The following BCHE variants were observed in gnomAD, a reference collection of about 807,000 sequenced individuals.
The protein encoded by BCHE is cholinesterase.
BCHE carries 48 observed loss-of-function variants against 51.3 expected under a neutral mutation model. That is an observed-to-expected ratio of 0.94 (90% CI 0.74 to 1.19). The LOEUF (loss-of-function observed/expected upper bound fraction) is 1.19. Among genes scored for constraint, BCHE ranks in the 50% most tolerant of loss-of-function variants. The probability of loss-of-function intolerance (pLI) is 0.00; values close to 1 mark genes in which losing one functional copy is unlikely to be tolerated. For synonymous variants in BCHE, 251 were observed against 238.0 expected, an observed-to-expected ratio of 1.05 and a Z score of -0.50; for missense variants, 847 against 708.2, an observed-to-expected ratio of 1.20 and a Z score of -2.23.
intron 2 of BCHE, among the ~76,000 whole-genome samples, chr3:165,817,004 G>C (rs544268576): frequency 1.3e-5 from 2 of 151,924 alleles, no homozygotes; most frequent in African/African-American, 4.8e-5. Flanking sequence ...AATATTTCTG[G>C]AAAAACAGGT....
chr3:165,800,747 G>T (rs1205215825), intron 2 of BCHE, among the ~76,000 whole-genome samples: 1 of 151,968 alleles, frequency 6.6e-6, no homozygotes, highest in African/African-American at 2.4e-5. Context: ...TTTTTTTCAG[G>T]AAGCTGTTTG....
At chr3:165,792,638 G>T (rs1384962444) in intron 2 of BCHE, among the ~76,000 whole-genome samples, 2 of 151,958 alleles carry the variant, frequency 1.3e-5, no homozygotes, top group African/African-American at 4.8e-5. Context: ...AAATTATTTT[G>T]GTCAAAGGTT....
At chr3:165,836,317 T>C (rs1328801312) in intron 1 of BCHE, among the ~76,000 whole-genome samples, 4 of 152,028 alleles carry the variant, frequency 2.6e-5, no homozygotes, top group Non-Finnish European at 5.9e-5. Flanking sequence ...TAACTACTTA[T>C]ATAAGTAAAC....
At chr3:165,819,376 C>T (rs1216383912) in intron 2 of BCHE, among the ~76,000 whole-genome samples, 1 of 151,764 alleles carries the variant, frequency 6.6e-6, no homozygotes, top group African/African-American at 2.4e-5. Context: ...CCATGCCTGG[C>T]CTAGGTTTTT....
chr3:165,776,961 C>T (rs1040451559), intron 3 of BCHE, among the ~76,000 whole-genome samples: 5 of 150,790 alleles, frequency 3.3e-5, no homozygotes, highest in Admixed American at 2.6e-4. Flanking sequence ...ATGTAAAATA[C>T]GGTAATATAG....
intron 3 of BCHE, chr3:165,778,338 T>C (rs1208758189): frequency 6.5e-6 from 1 of 154,402 alleles, no homozygotes; most frequent in Non-Finnish European, 1.4e-5. Flanking sequence ...GAAATGAAAT[T>C]ATTATGTTGA....
At chr3:165,778,853 G>T in intron 3 of BCHE, 2 of 229,932 alleles carry the variant, frequency 8.7e-6, no homozygotes, top group Non-Finnish European at 9.8e-6. Flanking sequence ...TCAGAAACTA[G>T]TTAACTGTCA....
intron 1 of BCHE, 46 bp from the exon 2 acceptor site, chr3:165,831,087 G>A: frequency 2.1e-6 from 3 of 1,454,256 alleles, no homozygotes; most frequent in Admixed American, 3.7e-5. Flanking sequence ...TCTGCATATA[G>A]CATATTATAC....
chr3:165,830,306 G>A lies in BCHE; in HGVS notation c.728C>T (p.Ser243Leu), dbSNP rs765480578. Residue 243 changes from serine to leucine, a missense_variant, in exon 2 of 4, where the codon TCA (serine) becomes TTA (leucine). By Grantham distance (145) the Ser-to-Leu change is moderately radical. Transcript: ENST00000264381. ...SLHLLSPGSH[S>L]LFTRAILQSG... ...TTGCAGAATGGCTCTGGTGAACAAT[G>A]AATGGCTTCCAGGAGAAAGCAAATG... 2 of 1,614,002 alleles carry A rather than the reference G, an allele frequency of 1.2e-6. No homozygotes were observed. The highest frequency in any genetic ancestry group is 2.2e-5 in the South Asian group (2 of 91,072).
In BCHE at chr3:165,779,000, T is replaced by C. The variant is rs1348597092; in HGVS notation, c.1685-5494A>G. Among the ~76,000 whole-genome samples the C allele has an allele frequency of 2.6e-5, 4 of 152,128 alleles. No individual in the cohort carries two copies. In the East Asian group the frequency reaches 7.7e-4, roughly 29 times the overall value. ...CATTAATTTTCATTAATAAACATTT[T>C]GCAAACCAGTCACCCTCCCCACCCA... On this transcript the variant is annotated intron_variant, in intron 3 of 3. Coordinates refer to ENST00000264381, the MANE Select transcript of BCHE (RefSeq NM_000055.4).
chr3:165,823,235 A>C (rs1004990827), intron 2 of BCHE, among the ~76,000 whole-genome samples: 3 of 152,142 alleles, frequency 2.0e-5, no homozygotes, highest in Non-Finnish European at 4.4e-5. Flanking sequence ...AATTTTATTA[A>C]GAAATCAAAT....
At chr3:165,815,906 T>TC (rs1337437869) in intron 2 of BCHE, among the ~76,000 whole-genome samples, 4 of 152,008 alleles carry the variant, frequency 2.6e-5, no homozygotes, top group Non-Finnish European at 5.9e-5. Flanking sequence ...GAAGTTATTT[T>TC]CCCCCGCTTT....
At chr3:165,828,929 C>T (rs532168742) in intron 2 of BCHE, among the ~76,000 whole-genome samples, 1 of 152,068 alleles carries the variant, frequency 6.6e-6, no homozygotes, top group East Asian at 1.9e-4. Flanking sequence ...TTAGCTAAAA[C>T]CTCATGGCCC....
At position 165,829,622 on chromosome 3, in the gene BCHE, T is replaced by C; in HGVS notation, c.1412A>G (p.Glu471Gly). ...WMGVMHGYEIEFVFGLPLERR... is the reference protein window; with the variant it reads ...WMGVMHGYEIGFVFGLPLERR... ...TTCCAGAGGTAAACCAAAGACAAAT[T>C]CAATTTCATAGCCATGCATCACTCC... Residue 471 changes from glutamate to glycine, a missense_variant, in exon 2 of 4, where the codon GAA becomes GGA. Transcript: ENST00000264381. 1.1e-5 allele frequency: 17 copies of C among 1,613,778 alleles called. No homozygotes were observed. Among genetic ancestry groups the C allele is most frequent in the Non-Finnish European group, 1.4e-5 (16 of 1,179,830 alleles).
At chr3:165,833,097 TA>T (rs1177603286) in intron 1 of BCHE, among the ~76,000 whole-genome samples, 2 of 152,054 alleles carry the variant, frequency 1.3e-5, no homozygotes, top group East Asian at 1.9e-4. Flanking sequence ...AATAAGGTTT[TA>T]AAAAAATCAA....
chr3:165,823,205 G>GT (rs1714593709), intron 2 of BCHE, among the ~76,000 whole-genome samples: 2 of 152,038 alleles, frequency 1.3e-5, no homozygotes, highest in African/African-American at 2.4e-5. Flanking sequence ...GTCCTTTAGT[G>GT]CTAGCTCAAA....
intron 2 of BCHE, among the ~76,000 whole-genome samples, chr3:165,790,763 A>G (rs1185083276): frequency 2.0e-5 from 3 of 152,158 alleles, no homozygotes; most frequent in Non-Finnish European, 4.4e-5. Context: ...TGTTTGGGGA[A>G]ATAGTATTTC....
At chr3:165,796,002 C>A (rs1014541082) in intron 2 of BCHE, among the ~76,000 whole-genome samples, 1 of 151,846 alleles carries the variant, frequency 6.6e-6, no homozygotes, top group Non-Finnish European at 1.5e-5. Context: ...TCTGTATGAT[C>A]CTTTACACAA....
At chr3:165,781,045 C>T (rs1712678435) in intron 3 of BCHE, among the ~76,000 whole-genome samples, 2 of 152,088 alleles carry the variant, frequency 1.3e-5, no homozygotes, top group African/African-American at 4.8e-5. Context: ...GGTTCGAGAT[C>T]AGCCTGACCA....
Sources: gnomAD v4.1 joint callset for allele counts (sites outside exome capture counted in the v4.1 genomes callset) on GRCh38, gnomAD v4.1.1 for gene constraint, MANE v1.5 for transcripts, NCBI Gene and HGNC (gene_info 2026-07-23, HGNC 2026-07-21) for gene names.